The following CTNNA3 variants were observed in gnomAD, a reference collection of about 807,000 sequenced individuals.
The protein encoded by CTNNA3 is catenin alpha-3.
A neutral mutation model predicts 95.7 loss-of-function variants in CTNNA3; 76 were observed. The observed-to-expected ratio is 0.79, with a 90% confidence interval of 0.66 to 0.96. The LOEUF is 0.96. CTNNA3 is among the 40% of genes least tolerant of loss of function. CTNNA3 has a pLI of 0.00. For synonymous variants in CTNNA3, 431 were observed against 374.4 expected (o/e 1.15, Z -1.74); for missense variants, 1,191 against 1,089.8 (o/e 1.09, Z -1.31).
At chr10:67,454,407 A>G (rs1847096288) in intron 5 of CTNNA3, among the ~76,000 whole-genome samples, 1 of 152,180 alleles carries the variant, frequency 6.6e-6, no homozygotes, top group Non-Finnish European at 1.5e-5. Context: ...TTCTGGCTGT[A>G]TTGGAAAGCT....
chr10:67,535,566 C>A (rs543188838), intron 4 of CTNNA3, among the ~76,000 whole-genome samples: 1 of 152,136 alleles, frequency 6.6e-6, no homozygotes, highest in East Asian at 1.9e-4. Flanking sequence ...TATGAACCAA[C>A]AACATGACAA....
intron 3 of CTNNA3, among the ~76,000 whole-genome samples, chr10:67,567,517 G>A (rs560537955): frequency 8.5e-5 from 13 of 152,200 alleles, no homozygotes; most frequent in African/African-American, 3.1e-4. Flanking sequence ...TGAATACCTT[G>A]AAAGCCCTGA....
chr10:66,722,755 AC>A, intron 9 of CTNNA3, among the ~76,000 whole-genome samples: 1 of 151,962 alleles, frequency 6.6e-6, no homozygotes, highest in Middle Eastern at 3.2e-3. Flanking sequence ...CATAGGCACA[AC>A]TGTAAACTTA....
intron 1 of CTNNA3, among the ~76,000 whole-genome samples, chr10:67,743,754 C>T (rs1485111732): frequency 6.6e-6 from 1 of 151,136 alleles, no homozygotes. Context: ...TAGAAAACCC[C>T]ACTATCTCAG....
chr10:66,776,942 T>A (rs1467119433), intron 7 of CTNNA3, among the ~76,000 whole-genome samples: 2 of 152,296 alleles, frequency 1.3e-5, no homozygotes, highest in East Asian at 1.9e-4. Flanking sequence ...GACTAGACTA[T>A]AAATGAGCAA....
At chr10:66,399,816 A>G (rs2093006586) in intron 11 of CTNNA3, among the ~76,000 whole-genome samples, 1 of 151,954 alleles carries the variant, frequency 6.6e-6, no homozygotes, top group Admixed American at 6.6e-5. Flanking sequence ...GTTAATTTTT[A>G]TAATTTGCTG....
At chr10:66,813,647 G>A (rs1231790931) in intron 7 of CTNNA3, among the ~76,000 whole-genome samples, 1 of 152,144 alleles carries the variant, frequency 6.6e-6, no homozygotes. Flanking sequence ...TCCAAATACT[G>A]TACTGGGAAT....
intron 13 of CTNNA3, among the ~76,000 whole-genome samples, chr10:66,192,605 C>T (rs1274184382): frequency 1.3e-5 from 2 of 152,090 alleles, no homozygotes; most frequent in Admixed American, 1.3e-4. Context: ...TTACAAAAAC[C>T]TTGGATGGTC....
chr10:66,744,744 A>C (rs1185798169), intron 9 of CTNNA3, among the ~76,000 whole-genome samples: 1 of 152,210 alleles, frequency 6.6e-6, no homozygotes, highest in African/African-American at 2.4e-5. Context: ...CTAAAATAAA[A>C]TGCTTACCAA....
At chr10:66,979,325 T>C (rs545565843) in intron 7 of CTNNA3, among the ~76,000 whole-genome samples, 3 of 152,296 alleles carry the variant, frequency 2.0e-5, no homozygotes, top group South Asian at 2.1e-4. Context: ...GAGATAAGCA[T>C]ACATGTATTT....
At chr10:66,504,105 T>G (rs1182626058) in intron 11 of CTNNA3, among the ~76,000 whole-genome samples, 1 of 152,170 alleles carries the variant, frequency 6.6e-6, no homozygotes, top group Non-Finnish European at 1.5e-5. Context: ...TGACAATATA[T>G]TGTTATTAAC....
rs534392100 is a variant in CTNNA3 at position 66,379,173 on chromosome 10, C to A, written c.1711G>T (p.Val571Phe). The A allele has an allele frequency of 6.2e-7, 1 of 1,614,058 alleles. No individual in the cohort carries two copies. Among genetic ancestry groups the A allele is most frequent in the South Asian group, 1.1e-5 (1 of 91,084 alleles). The change falls in exon 12 of 18, where the codon GTT becomes TTT. Residue 571 changes from valine to phenylalanine, a missense_variant. Physicochemically the swap from Val to Phe is conservative, Grantham distance 50. Coordinates refer to ENST00000433211, the MANE Select transcript of CTNNA3 (RefSeq NM_013266.4). The stretch of plus-strand genomic sequence containing the variant: ...TTACCAGTACTTGTAAGGAAGTTAA[C>A]ATTTCTCATTACACCTTCCGTGTAA... ...GAYTEGVMRN[V>F]NFLTSTVIPE...
At chr10:67,015,139 G>A (rs953534175) in intron 7 of CTNNA3, 1 of 152,048 alleles carries the variant, frequency 6.6e-6, no homozygotes, top group Non-Finnish European at 1.5e-5. Context: ...TGTAGTTAGG[G>A]AAATTAACTG....
Position 67,180,514 on chromosome 10 carries a change from T to C in CTNNA3, c.850A>G (p.Ile284Val), listed in dbSNP as rs1431076048. The change falls in exon 7 of 18, where the codon ATT (isoleucine) becomes GTT (valine). Residue 284 changes from isoleucine (I) to valine (V), a missense_variant. Ile to Val is a conservative substitution (Grantham distance 29). Transcript: ENST00000433211. Reference sequence around the variant, plus strand: ...GTTACTGTGAGTGGATTCAGGACAATTAAATTCTAAGAGAAGAACACATTT... The same window carrying C: ...GTTACTGTGAGTGGATTCAGGACAACTAAATTCTAAGAGAAGAACACATTT... ...GSALDELENL[I>V]VLNPLTVTEE... The C allele has an allele frequency of 2.5e-6, 4 of 1,612,300 alleles. No individual in the cohort carries two copies. In the African/African-American group the frequency reaches 5.3e-5, roughly 22 times the overall value.
intron 7 of CTNNA3, among the ~76,000 whole-genome samples, chr10:67,130,680 G>C (rs1859952092): frequency 6.6e-6 from 1 of 152,084 alleles, no homozygotes; most frequent in Non-Finnish European, 1.5e-5. Context: ...ATACATTTTA[G>C]CATAGTTATG....
At chr10:67,128,806 T>TG (rs2132013110) in intron 7 of CTNNA3, among the ~76,000 whole-genome samples, 1 of 152,226 alleles carries the variant, frequency 6.6e-6, no homozygotes, top group Non-Finnish European at 1.5e-5. Flanking sequence ...AAAATCTTAA[T>TG]GCCTCAAGTA....
chr10:66,712,653 T>C (rs1293522538), intron 9 of CTNNA3, among the ~76,000 whole-genome samples: 1 of 151,844 alleles, frequency 6.6e-6, no homozygotes, highest in African/African-American at 2.4e-5. Flanking sequence ...CAACTTTCAT[T>C]GGCTTACTAA....
intron 11 of CTNNA3, among the ~76,000 whole-genome samples, chr10:66,502,831 G>A (rs1840324529): frequency 6.6e-6 from 1 of 152,054 alleles, no homozygotes; most frequent in Non-Finnish European, 1.5e-5. Flanking sequence ...CATAACCCAG[G>A]TGCCACATAT....
At chr10:66,996,869 G>A (rs1423924071) in intron 7 of CTNNA3, among the ~76,000 whole-genome samples, 1 of 152,052 alleles carries the variant, frequency 6.6e-6, no homozygotes, top group African/African-American at 2.4e-5. Context: ...ACTAACATCT[G>A]TAAATGTTCA....
Sources: allele counts gnomAD v4.1 joint callset (sites outside exome capture counted in the v4.1 genomes callset), GRCh38; gene constraint gnomAD v4.1.1; transcripts MANE v1.5; gene names NCBI Gene and HGNC (gene_info 2026-07-23, HGNC 2026-07-21).